Variants in PCCB observed in about 807,000 individuals in gnomAD.
The protein encoded by PCCB is propionyl-CoA carboxylase subunit beta, also known as propionyl-CoA carboxylase beta chain, mitochondrial.
A neutral mutation model predicts 60.7 loss-of-function variants in PCCB; 43 were observed. The observed-to-expected ratio is 0.71, with a 90% CI of 0.55 to 0.91. The LOEUF (loss-of-function observed/expected upper bound fraction) is 0.91. Ranked by LOEUF, PCCB falls within the 40% of genes least tolerant of loss-of-function variation. PCCB has a pLI of 0.00. For missense variants in PCCB, 766 were observed against 702.8 expected, an observed-to-expected ratio of 1.09 and a Z score of -1.02; for synonymous variants, 276 against 255.9, an observed-to-expected ratio of 1.08 and a Z score of -0.75.
At position 136,250,452 on chromosome 3, in the gene PCCB, G is replaced by A; in HGVS notation, c.77G>A (p.Arg26His). 2 of 1,605,598 alleles carry A rather than the reference G, an allele frequency of 1.2e-6. No individual in the cohort carries two copies. The highest frequency in any genetic ancestry group is 1.7e-6 in the Non-Finnish European group (2 of 1,176,248). Reference protein sequence around the residue: ...VLASGLRAAVRSLCSQATSVN... With the variant: ...VLASGLRAAVHSLCSQATSVN... ...GCGAGCGGTCTCCGCGCCGCGGTCCGCAGCCTTTGCAGCCAGGCCACCTCT... is the reference window on the plus strand; with the variant it reads ...GCGAGCGGTCTCCGCGCCGCGGTCCACAGCCTTTGCAGCCAGGCCACCTCT... Residue 26 changes from arginine (R) to histidine (H), a missense_variant, in exon 1 of 15, where the codon CGC (arginine) becomes CAC (histidine). Arg to His is a conservative substitution (Grantham distance 29). Coordinates refer to ENST00000251654, the MANE Select transcript of PCCB (RefSeq NM_000532.5).
At chr3:136,312,923 AGTG>A (rs1934725463) in intron 9 of PCCB, among the ~76,000 whole-genome samples, 1 of 152,210 alleles carries the variant, frequency 6.6e-6, no homozygotes, top group Admixed American at 6.5e-5. Context: ...TTGATAGAAA[AGTG>A]GGCAAAAAAC....
intron 9 of PCCB, among the ~76,000 whole-genome samples, chr3:136,304,194 A>G (rs183802545): frequency 0.015 from 1,452 of 99,628 alleles, 121 homozygotes; most frequent in African/African-American, 0.039. Flanking sequence ...TTGCTTTGTC[A>G]CCCAGGCTGG....
chr3:136,255,991 G>C lies in PCCB; in HGVS notation c.303+16G>C. The C allele has an allele frequency of 6.2e-7, 1 of 1,614,088 alleles. No homozygotes were observed. The highest frequency in any genetic ancestry group is 1.1e-5 in the South Asian group (1 of 91,084). On this transcript the variant is annotated intron_variant, in intron 2 of 14. Transcript: ENST00000251654. The stretch of plus-strand genomic sequence containing the variant: ...TAAGAATAAGGTATTTGTTCAAATG[G>C]TGGTGTGAACACTTTTTAGGTGTGG...
chr3:136,258,094 TGA>T (rs1442249231), intron 3 of PCCB, among the ~76,000 whole-genome samples: 24 of 152,334 alleles, frequency 1.6e-4, no homozygotes, highest in South Asian at 1.2e-3. Flanking sequence ...GTGCAATTTA[TGA>T]GAGCTGAGAA....
chr3:136,282,445 G>GT (rs1942505373), intron 5 of PCCB, among the ~76,000 whole-genome samples: 1 of 152,034 alleles, frequency 6.6e-6, no homozygotes, highest in South Asian at 2.1e-4. Context: ...AATTTCTAGT[G>GT]TTTTTTAGCT....
intron 5 of PCCB, among the ~76,000 whole-genome samples, chr3:136,271,280 G>A (rs1207724260): frequency 2.0e-5 from 3 of 152,086 alleles, no homozygotes; most frequent in Non-Finnish European, 4.4e-5. Flanking sequence ...GTCTGGTAAT[G>A]TGATGCCTTC....
At chr3:136,280,174 T>C (rs1178338169) in intron 5 of PCCB, among the ~76,000 whole-genome samples, 1 of 152,226 alleles carries the variant, frequency 6.6e-6, no homozygotes, top group African/African-American at 2.4e-5. Context: ...CTGTCTAATA[T>C]CCTTTTGTTT....
chr3:136,316,609 C>G (rs1283229096), intron 9 of PCCB, among the ~76,000 whole-genome samples: 1 of 152,174 alleles, frequency 6.6e-6, no homozygotes, highest in Non-Finnish European at 1.5e-5. Flanking sequence ...AGCCACTGGG[C>G]CCGGCCTGAC....
At position 136,255,983 on chromosome 3, in the gene PCCB, T is replaced by A. The variant is rs199769617; in HGVS notation, c.303+8T>A. ...GCTGCTGATAAGAATAAGGTATTTGTTCAAATGGTGGTGTGAACACTTTTT... is the reference window on the plus strand; with the variant it reads ...GCTGCTGATAAGAATAAGGTATTTGATCAAATGGTGGTGTGAACACTTTTT... On this transcript the variant is annotated splice_region_variant and intron_variant, in intron 2 of 14. Transcript: ENST00000251654. 425 of 1,614,182 alleles carry A rather than the reference T, an allele frequency of 2.6e-4. No individual in the cohort carries two copies. Among genetic ancestry groups the A allele is most frequent in the Non-Finnish European group, 3.1e-4 (369 of 1,179,998 alleles).
At chr3:136,279,702 C>G (rs966989106) in intron 5 of PCCB, among the ~76,000 whole-genome samples, 2 of 152,068 alleles carry the variant, frequency 1.3e-5, no homozygotes. Flanking sequence ...GAGTTTCGCT[C>G]TGTCGCCCAG....
At chr3:136,322,253 AG>A (rs1935136842) in intron 10 of PCCB, among the ~76,000 whole-genome samples, 1 of 152,216 alleles carries the variant, frequency 6.6e-6, no homozygotes, top group African/African-American at 2.4e-5. Context: ...TTGATATGAT[AG>A]ATTACGTTAA....
chr3:136,252,526 A>ATT (rs768208532), intron 1 of PCCB: 350 of 284,784 alleles, frequency 1.2e-3, no homozygotes, highest in African/African-American at 3.9e-3. Flanking sequence ...GGATGACAGA[A>ATT]TTTTTTTTTT....
At position 136,304,541 on chromosome 3, in the gene PCCB, C is replaced by T. The variant is rs187248695; in HGVS notation, c.966+3430C>T. 1.1e-3 allele frequency among the ~76,000 whole-genome samples: 129 copies of T among 118,348 alleles called. 36 individuals carry two copies. In the South Asian group the frequency reaches 0.017, roughly 15 times the overall value. 77.6% of individuals were successfully genotyped at this position (118,348 alleles called of 152,430 possible). ...GGACTACAGGCACCCACCACCATGC[C>T]TGGCTAATTTTGTTTTTGTATTTTT... On this transcript the variant is annotated intron_variant, in intron 9 of 14. Coordinates refer to ENST00000251654, the MANE Select transcript of PCCB (RefSeq NM_000532.5).
At chr3:136,291,096 C>A (rs1933668020) in intron 6 of PCCB, among the ~76,000 whole-genome samples, 1 of 152,014 alleles carries the variant, frequency 6.6e-6, no homozygotes, top group African/African-American at 2.4e-5. Context: ...CATTGCTCAT[C>A]TGCTTGCTGT....
chr3:136,262,018 A>C lies in PCCB; in HGVS notation c.496A>C (p.Ile166Leu). The change falls in exon 5 of 15, where the codon ATC becomes CTC. Residue 166 changes from isoleucine (I) to leucine (L), a missense_variant. Transcript: ENST00000251654. The part of the protein sequence containing the change: ...IGLNDSGGAR[I>L]QEGVESLAGY... Reference sequence around the variant, plus strand: ...GCTGAATGACTCTGGGGGAGCACGGATCCAAGAAGGAGTGGAGTCTTTGGC... The same window carrying C: ...GCTGAATGACTCTGGGGGAGCACGGCTCCAAGAAGGAGTGGAGTCTTTGGC... 6.4e-7 allele frequency: 1 copy of C among 1,560,596 alleles called. No individual in the cohort carries two copies.
At chr3:136,295,798 C>G (rs2108199944) in intron 7 of PCCB, among the ~76,000 whole-genome samples, 1 of 151,644 alleles carries the variant, frequency 6.6e-6, no homozygotes, top group East Asian at 1.9e-4. Context: ...AACACTTACT[C>G]AAACATAGGT....
rs532821315 is a variant in PCCB at position 136,250,876 on chromosome 3, C to A, written c.183+318C>A. On this transcript the variant is annotated intron_variant, in intron 1 of 14. Coordinates refer to ENST00000251654, the MANE Select transcript of PCCB (RefSeq NM_000532.5). ...GTGGGTCATTTTAATAATAATTCTTCCTTCACAAGTGTATCGTTAGACCAT... is the reference window on the plus strand; with the variant it reads ...GTGGGTCATTTTAATAATAATTCTTACTTCACAAGTGTATCGTTAGACCAT... Among the ~76,000 whole-genome samples, 6 of 152,284 alleles carry A rather than the reference C, an allele frequency of 3.9e-5. No individual in the cohort carries two copies. The South Asian group carries it at 1.2e-3, about 32-fold the overall frequency.
At chr3:136,283,792 C>A in intron 5 of PCCB, 45 bp from the exon 6 acceptor site, 1 of 1,329,288 alleles carries the variant, frequency 7.5e-7, no homozygotes, top group Non-Finnish European at 1.1e-6. Flanking sequence ...GATAATGCCT[C>A]AAACATCTCT....
At chr3:136,259,955 T>C (rs13072038) in intron 3 of PCCB, among the ~76,000 whole-genome samples, 25,069 of 151,722 alleles carry the variant, frequency 0.17, 2,750 homozygotes, top group Non-Finnish European at 0.24. Flanking sequence ...TTTCACCATG[T>C]TGGCCAGGGT....
Sources: allele counts gnomAD v4.1 joint callset (sites outside exome capture counted in the v4.1 genomes callset), GRCh38; gene constraint gnomAD v4.1.1; transcripts MANE v1.5; gene names NCBI Gene and HGNC (gene_info 2026-07-23, HGNC 2026-07-21).